Variants in CLCN3 observed in about 807,000 individuals in gnomAD.
CLCN3 encodes the protein Cl-/H+ antiporter 3.
CLCN3 carries 16 observed loss-of-function variants against 83.4 expected under a neutral mutation model. The observed-to-expected ratio is 0.19, with a 90% CI of 0.13 to 0.29. The LOEUF is 0.29. CLCN3 is among the 10% of genes least tolerant of loss of function. The probability of loss-of-function intolerance (pLI) is 1.00; values close to 1 mark genes in which losing one functional copy is unlikely to be tolerated. For missense variants in CLCN3, 544 were observed against 1,006.0 expected (o/e 0.54, Z 6.21); for synonymous variants, 322 against 346.2 (o/e 0.93, Z 0.78).
chr4:169,674,159 T>C (rs948672812), intron 2 of CLCN3, among the ~76,000 whole-genome samples: 14 of 152,216 alleles, frequency 9.2e-5, no homozygotes, highest in Non-Finnish European at 2.9e-5. Flanking sequence ...TGTTACATCC[T>C]GTTGTTTTAA....
At chr4:169,644,147 CAA>C (rs1221693245) in intron 2 of CLCN3, among the ~76,000 whole-genome samples, 2 of 152,030 alleles carry the variant, frequency 1.3e-5, no homozygotes, top group Admixed American at 1.3e-4. Context: ...GATGTGTACT[CAA>C]GAGTTGTGAT....
intron 4 of CLCN3, among the ~76,000 whole-genome samples, chr4:169,687,964 T>G (rs1208871707): frequency 1.3e-5 from 2 of 152,210 alleles, no homozygotes; most frequent in African/African-American, 4.8e-5. Context: ...TTATCCAGCT[T>G]GGTTGATCTT....
intron 2 of CLCN3, among the ~76,000 whole-genome samples, chr4:169,636,819 G>A (rs796739721): frequency 3.5e-5 from 5 of 143,610 alleles, no homozygotes; most frequent in African/African-American, 1.3e-4. Flanking sequence ...TGCACATTAT[G>A]TACACAGTTC....
intron 12 of CLCN3, among the ~76,000 whole-genome samples, chr4:169,718,418 A>G (rs777020652): frequency 6.6e-6 from 1 of 152,178 alleles, no homozygotes; most frequent in Non-Finnish European, 1.5e-5. Context: ...ATTTGTGATC[A>G]TAGCATTAGT....
chr4:169,718,545 T>C (rs1264515131), intron 12 of CLCN3, among the ~76,000 whole-genome samples: 2 of 152,232 alleles, frequency 1.3e-5, no homozygotes, highest in African/African-American at 2.4e-5. Context: ...TCTGGAACGC[T>C]ATAAGCAGCT....
At chr4:169,668,439 A>G (rs1035666607) in intron 2 of CLCN3, among the ~76,000 whole-genome samples, 7 of 152,208 alleles carry the variant, frequency 4.6e-5, no homozygotes, top group African/African-American at 1.7e-4. Flanking sequence ...TCCAGTCCAC[A>G]TACAATACTC....
At position 169,697,703 on chromosome 4, in the gene CLCN3, T is replaced by C; in HGVS notation, c.1532T>C (p.Ile511Thr). ...WQLCLALIFK[I>T]IMTVFTFGIK... is the part of the protein sequence containing the mutation. ...TTATGCCTGGCACTCATATTTAAAA[T>C]CATAATGACAGTATTCACTTTTGGC... is the stretch of plus-strand genomic sequence containing the variant. Residue 511 changes from isoleucine (I) to threonine (T), a missense_variant, in exon 9 of 13, where the codon ATC (isoleucine) becomes ACC (threonine). By Grantham distance (89) the Ile-to-Thr change is moderately conservative. Transcript: ENST00000513761. 1 of 1,611,828 alleles carries C rather than the reference T, an allele frequency of 6.2e-7. No homozygotes were observed. The highest frequency in any genetic ancestry group is 8.5e-7 in the Non-Finnish European group (1 of 1,179,202).
At chr4:169,711,511 C>T (rs934534220) in intron 11 of CLCN3, among the ~76,000 whole-genome samples, 3 of 152,066 alleles carry the variant, frequency 2.0e-5, no homozygotes, top group South Asian at 2.1e-4. Flanking sequence ...GCCACCGTGC[C>T]AGCTAATTTT....
At chr4:169,686,020 G>T (rs563029279) in intron 3 of CLCN3, among the ~76,000 whole-genome samples, 1 of 152,174 alleles carries the variant, frequency 6.6e-6, no homozygotes, top group South Asian at 2.1e-4. Context: ...CATGTCCTTT[G>T]TTGGGACATG....
At chr4:169,636,127 A>G (rs1472102576) in intron 2 of CLCN3, 39 bp downstream of exon 2, 7 of 1,536,142 alleles carry the variant, frequency 4.6e-6, no homozygotes, top group African/African-American at 1.4e-5. Flanking sequence ...GTATTCATGA[A>G]TATCCACTAA....
At chr4:169,674,680 T>A (rs1003844721) in intron 2 of CLCN3, among the ~76,000 whole-genome samples, 1 of 152,158 alleles carries the variant, frequency 6.6e-6, no homozygotes, top group Non-Finnish European at 1.5e-5. Flanking sequence ...TATTATTATT[T>A]TTTGGAGTAC....
chr4:169,692,176 TA>T lies in CLCN3; in HGVS notation c.796del (p.Thr266ProfsTer4). The T allele has an allele frequency of 6.2e-7, 1 of 1,612,512 alleles. No homozygotes were observed. The highest frequency in any genetic ancestry group is 8.5e-7 in the Non-Finnish European group (1 of 1,178,632). ...ACTTGGGAAAATGGACTTTAATGAT[TA>T]AAACCATCACATTAGTCCTGGCTGT... ...GYLGKWTLMI[K>X]TITLVLAVAS... On this transcript the variant is annotated frameshift_variant, in exon 7 of 13. Transcript: ENST00000513761. LOFTEE classifies it high-confidence loss of function.
rs1733574297 is a variant in CLCN3, at chr4:169,720,034, A to C, written c.*37A>C. 1 of 1,613,150 alleles carries C rather than the reference A, an allele frequency of 6.2e-7. No individual in the cohort carries two copies. Among genetic ancestry groups the C allele is most frequent in the African/African-American group, 1.3e-5 (1 of 74,850 alleles). On this transcript the variant is annotated 3_prime_UTR_variant, in exon 13 of 13. Coordinates refer to ENST00000513761, the MANE Select transcript of CLCN3 (RefSeq NM_001829.4). ...GAGGAGAGAGAAGAAACGGAAGAGG[A>C]AGTTTATTTGTTGAATAGCACAACT...
chr4:169,663,582 C>G (rs1319054539), intron 2 of CLCN3: 1 of 417,748 alleles, frequency 2.4e-6, no homozygotes, highest in African/African-American at 2.1e-5. Context: ...TCAAGCAACC[C>G]TCCTGCCTTG....
intron 2 of CLCN3, among the ~76,000 whole-genome samples, chr4:169,679,118 C>T (rs1352474421): frequency 6.6e-6 from 1 of 151,108 alleles, no homozygotes; most frequent in African/African-American, 2.4e-5. Context: ...GGCGGAGGGG[C>T]TCCTCACTTC....
rs367776077 is a variant in CLCN3, at chr4:169,680,040, T to G, written c.161-10T>G. 3 of 1,606,246 alleles carry G rather than the reference T, an allele frequency of 1.9e-6. No individual in the cohort carries two copies. Among genetic ancestry groups the G allele is most frequent in the Non-Finnish European group, 2.6e-6 (3 of 1,173,806 alleles). ...TAAAACATACTCATCTTTCCTTTTC[T>G]CTTCTGTAGGAACTCATTATACAAT... On this transcript the variant is annotated splice_polypyrimidine_tract_variant and intron_variant, in intron 2 of 12. Transcript: ENST00000513761.
chr4:169,689,116 G>T lies in CLCN3; in HGVS notation c.492G>T (p.Ala164=). ...TAAAGGAGGGCATTTGCCTTAGTGC[G>T]TTGTGGTACAACCACGAACAGTGCT... ...TDLKEGICLS[A]LWYNHEQCCW... The change falls in exon 5 of 13, where the codon GCG becomes GCT. Residue 164 remains alanine (A), a synonymous_variant. Coordinates refer to ENST00000513761, the MANE Select transcript of CLCN3 (RefSeq NM_001829.4). The T allele has an allele frequency of 6.2e-7, 1 of 1,613,766 alleles. No homozygotes were observed. The highest frequency in any genetic ancestry group is 8.5e-7 in the Non-Finnish European group (1 of 1,179,844).
rs752466060 is a variant in CLCN3 at position 169,650,790 on chromosome 4, C to T, written c.160+14702C>T. On this transcript the variant is annotated intron_variant, in intron 2 of 12. Coordinates refer to ENST00000513761, the MANE Select transcript of CLCN3 (RefSeq NM_001829.4). The stretch of plus-strand genomic sequence containing the variant: ...ATTCTGTTGCCAACTACTTTGTAAA[C>T]ATTTCTACACCTGTGTCTCCAGACT... Among the ~76,000 whole-genome samples the T allele has an allele frequency of 1.2e-3, 182 of 152,314 alleles. 4 individuals carry two copies. Among genetic ancestry groups the T allele is most frequent in the Non-Finnish European group, 1.2e-3 (83 of 68,026 alleles).
chr4:169,676,438 G>A (rs1420967322), intron 2 of CLCN3, among the ~76,000 whole-genome samples: 41 of 151,236 alleles, frequency 2.7e-4, no homozygotes, highest in Non-Finnish European at 3.8e-4. Flanking sequence ...CCACTCTCAG[G>A]TCTAATAATT....
Sources: gnomAD v4.1 joint callset for allele counts (sites outside exome capture counted in the v4.1 genomes callset) on GRCh38, gnomAD v4.1.1 for gene constraint, MANE v1.5 for transcripts, NCBI Gene and HGNC (gene_info 2026-07-23, HGNC 2026-07-21) for gene names.